Variants in SGCD observed in about 807,000 individuals in gnomAD.
SGCD encodes the protein delta-sarcoglycan.
SGCD carries 18 observed loss-of-function variants against 36.6 expected under a neutral mutation model. The observed-to-expected ratio is 0.49, with a 90% confidence interval of 0.34 to 0.73. The LOEUF is 0.73. SGCD is among the 30% of genes least tolerant of loss of function. SGCD has a pLI of 0.01. For synonymous variants in SGCD, 133 were observed against 130.6 expected, an observed-to-expected ratio of 1.02 and a Z score of -0.12; for missense variants, 387 against 346.7, an observed-to-expected ratio of 1.12 and a Z score of -0.92.
chr5:156,597,294 C>T (rs891875791), intron 6 of SGCD, among the ~76,000 whole-genome samples: 9 of 152,000 alleles, frequency 5.9e-5, no homozygotes, highest in Admixed American at 2.0e-4. Flanking sequence ...AGTCTGTTCT[C>T]ACCCTGCTAA....
chr5:155,899,882 T>A lies in SGCD; in HGVS notation c.-282+29458T>A, dbSNP rs1233844713. Among the ~76,000 whole-genome samples, 11 of 152,348 alleles carry A rather than the reference T, an allele frequency of 7.2e-5. No homozygotes were observed. In the East Asian group the frequency reaches 1.5e-3, roughly 21 times the overall value. ...AGACAGTTCGCATGGAATTATTACC[T>A]AATTATTAAATCAGGATTATCCAAA... On this transcript the variant is annotated intron_variant, in intron 1 of 9. Transcript: ENST00000517913.
At chr5:155,787,825 A>T in the SGCD span, among the ~76,000 whole-genome samples, 125 of 152,244 alleles carry the variant, frequency 8.2e-4, 3 homozygotes, top group East Asian at 0.023. Context: ...CCTTGCTTAG[A>T]TTTGCACAGT....
chr5:156,154,968 G>T (rs922917216), intron 3 of SGCD, among the ~76,000 whole-genome samples: 1 of 151,618 alleles, frequency 6.6e-6, no homozygotes, highest in African/African-American at 2.4e-5. Flanking sequence ...CTCAATGTCT[G>T]CAGGGATGAG....
chr5:156,479,259 AT>A (rs1469301330), intron 3 of SGCD, among the ~76,000 whole-genome samples: 1 of 150,856 alleles, frequency 6.6e-6, no homozygotes, highest in African/African-American at 2.4e-5. Flanking sequence ...TGTCTGGCTA[AT>A]TTTTTTTGTA....
intron 3 of SGCD, among the ~76,000 whole-genome samples, chr5:156,416,313 C>A (rs535558375): frequency 7.2e-5 from 11 of 152,286 alleles, no homozygotes; most frequent in African/African-American, 2.6e-4. Flanking sequence ...GGGACCTAAA[C>A]TGTGAGGACA....
At chr5:156,286,304 C>T (rs549075918) in intron 3 of SGCD, among the ~76,000 whole-genome samples, 17 of 152,240 alleles carry the variant, frequency 1.1e-4, no homozygotes, top group African/African-American at 4.8e-5. Context: ...TACCATTTGA[C>T]CCAGCCATCC....
chr5:156,314,664 A>G (rs932576057), intron 3 of SGCD, among the ~76,000 whole-genome samples: 3 of 152,046 alleles, frequency 2.0e-5, no homozygotes, highest in Non-Finnish European at 1.5e-5. Flanking sequence ...AAGTGACAAC[A>G]ATAAATAATG....
At position 156,273,807 on chromosome 5, in the gene SGCD, TA is replaced by T. The variant is rs113353673; in HGVS notation, c.-43-55720del. Among the ~76,000 whole-genome samples the T allele has an allele frequency of 4.6e-4, 70 of 152,222 alleles. 1 individual carries two copies. The highest frequency in any genetic ancestry group is 1.6e-3 in the African/African-American group (68 of 41,554). On this transcript the variant is annotated intron_variant, in intron 3 of 9. Transcript: ENST00000517913. ...GTGAGAAAAAACGATGAACACTTTT[TA>T]AAAAAAGTCCTTGTAGCTAAAATTG...
At chr5:156,498,465 A>C (rs547098624) in intron 3 of SGCD, among the ~76,000 whole-genome samples, 1 of 152,174 alleles carries the variant, frequency 6.6e-6, no homozygotes, top group Admixed American at 6.5e-5. Context: ...CCACTAATCT[A>C]CTTTCTGTCT....
intron 3 of SGCD, among the ~76,000 whole-genome samples, chr5:156,353,091 T>C (rs2127723958): frequency 6.6e-6 from 1 of 152,312 alleles, no homozygotes; most frequent in African/African-American, 2.4e-5. Context: ...AGCCAGCATG[T>C]TCCATAACTC....
chr5:156,008,406 G>C (rs975638672), intron 1 of SGCD, among the ~76,000 whole-genome samples: 2 of 151,910 alleles, frequency 1.3e-5, no homozygotes, highest in African/African-American at 4.8e-5. Flanking sequence ...GACAGGTTCT[G>C]GCTCTGCTCT....
At chr5:156,183,150 G>T (rs1271155933) in intron 3 of SGCD, among the ~76,000 whole-genome samples, 1 of 152,098 alleles carries the variant, frequency 6.6e-6, no homozygotes, top group Non-Finnish European at 1.5e-5. Flanking sequence ...TGTGGTGCTG[G>T]AGAAAGATAT....
At chr5:156,123,586 C>T (rs150585629) in intron 2 of SGCD, among the ~76,000 whole-genome samples, 2 of 152,126 alleles carry the variant, frequency 1.3e-5, no homozygotes. Context: ...CTCTCCCATC[C>T]TCAGTTTCCC....
At chr5:156,307,773 A>G (rs189470006) in intron 3 of SGCD, among the ~76,000 whole-genome samples, 35 of 152,080 alleles carry the variant, frequency 2.3e-4, no homozygotes, top group Non-Finnish European at 3.7e-4. Flanking sequence ...CTTCAATAAC[A>G]CAAACAAGTC....
At chr5:156,702,486 G>A (rs527622321) in intron 7 of SGCD, among the ~76,000 whole-genome samples, 101 of 152,108 alleles carry the variant, frequency 6.6e-4, no homozygotes, top group African/African-American at 2.1e-3. Flanking sequence ...GCGGGGAAGC[G>A]TACTGAAACT....
At chr5:156,028,123 C>T (rs1474154630) in intron 1 of SGCD, among the ~76,000 whole-genome samples, 1 of 152,180 alleles carries the variant, frequency 6.6e-6, no homozygotes, top group African/African-American at 2.4e-5. Context: ...TAATAGCACT[C>T]TCTCTAAAGA....
At chr5:156,119,025 G>A (rs1761971031) in intron 2 of SGCD, among the ~76,000 whole-genome samples, 2 of 152,190 alleles carry the variant, frequency 1.3e-5, no homozygotes, top group South Asian at 2.1e-4. Context: ...TTGCAACTGA[G>A]GCTGACCACC....
rs754875886 is a variant in SGCD, at chr5:156,757,599, G to T, written c.594G>T (p.Arg198=). The change falls in exon 8 of 9, where the codon CGG becomes CGT. Residue 198 remains arginine, a synonymous_variant. Coordinates refer to ENST00000337851, the MANE Select transcript of SGCD (RefSeq NM_000337.6). ...TTTTCAGGTTGGAGTCCCCAACCCG[G>T]TCTCTAGTGATGGAGGCCCCAAAAG... ...FKELRLESPT[R]SLVMEAPKGV... 31 of 1,610,012 alleles carry T rather than the reference G, an allele frequency of 1.9e-5. No individual in the cohort carries two copies. The South Asian group carries it at 3.3e-4, about 17-fold the overall frequency.
At chr5:156,425,411 T>G (rs1773630094) in intron 3 of SGCD, among the ~76,000 whole-genome samples, 3 of 152,090 alleles carry the variant, frequency 2.0e-5, no homozygotes. Context: ...AATTTCTTTC[T>G]TTGCTGAACA....
Sources: allele counts gnomAD v4.1 joint callset (sites outside exome capture counted in the v4.1 genomes callset), GRCh38; gene constraint gnomAD v4.1.1; transcripts MANE v1.5; gene names NCBI Gene and HGNC (gene_info 2026-07-23, HGNC 2026-07-21).